DYRK1A: variants seen among roughly 807,000 people sequenced by gnomAD.
DYRK1A encodes dual specificity tyrosine phosphorylation regulated kinase 1A.
DYRK1A carries 9 observed loss-of-function variants against 79.7 expected under a neutral mutation model. The ratio of observed to expected loss-of-function variants is 0.11; its 90% CI spans 0.07 to 0.20. The LOEUF is 0.20. DYRK1A is among the 10% of genes least tolerant of loss of function. DYRK1A has a pLI of 1.00. For missense variants in DYRK1A, 622 were observed against 956.0 expected (o/e 0.65, Z 4.61); for synonymous variants, 349 against 329.7 (o/e 1.06, Z -0.63).
chr21:37,366,532 C>A (rs1046485958), upstream of DYRK1A, among the ~76,000 whole-genome samples: 23 of 151,612 alleles, frequency 1.5e-4, no homozygotes, highest in Admixed American at 9.8e-4. Context: ...CTCCCCTCCC[C>A]CGGGCGAATC....
At chr21:37,396,498 C>T (rs1213970664) in intron 1 of DYRK1A, among the ~76,000 whole-genome samples, 2 of 150,808 alleles carry the variant, frequency 1.3e-5, no homozygotes, top group East Asian at 3.9e-4. Flanking sequence ...TTTTTTGAGT[C>T]AGTGAATTAA....
In DYRK1A at chr21:37,519,745, T is replaced by TTTTTTTTTTGTTTTTG. The variant is rs1569413780; in HGVS notation, c.*7223_*7224insGTTTTTGTTTTTTTTT. The TTTTTTTTTTGTTTTTG allele has an allele frequency of 2.4e-5, 3 of 126,204 alleles. No homozygotes were observed. The highest frequency in any genetic ancestry group is 1.3e-4 in the African/African-American group (3 of 22,342). The allele number at this position is 126,204 out of a possible 1,614,324, so 7.8% of individuals were successfully genotyped here. A position where few individuals can be genotyped will look rare whatever the true frequency, so the allele number is the denominator to read the frequency against. On this transcript the variant is annotated 3_prime_UTR_variant, in exon 12 of 12. Transcript: ENST00000647188. ...AGGTTTGTTGTGGGAAGTTTTTTTT[T>TTTTTTTTTTGTTTTTG]TTTTTTTTTTTTTTGAGGCGGAGTC...
At chr21:37,510,345 G>A (rs1257614490) in intron 11 of DYRK1A, among the ~76,000 whole-genome samples, 2 of 152,164 alleles carry the variant, frequency 1.3e-5, no homozygotes, top group Non-Finnish European at 2.9e-5. Context: ...GTTTTCAGTA[G>A]TATCTCTTAA....
chr21:37,479,092 C>G (rs2052505544), intron 4 of DYRK1A, among the ~76,000 whole-genome samples: 2 of 152,142 alleles, frequency 1.3e-5, no homozygotes, highest in Admixed American at 6.5e-5. Context: ...AAGGCTTGTC[C>G]TTTGCCAGCT....
intron 1 of DYRK1A, among the ~76,000 whole-genome samples, chr21:37,416,659 A>G (rs562091354): frequency 1.9e-4 from 29 of 152,274 alleles, no homozygotes; most frequent in Non-Finnish European, 2.8e-4. Flanking sequence ...AGTTAACTGT[A>G]TAAATTTTAG....
At chr21:37,417,849 A>T (rs192254818) in intron 1 of DYRK1A, among the ~76,000 whole-genome samples, 20 of 152,282 alleles carry the variant, frequency 1.3e-4, no homozygotes, top group Non-Finnish European at 2.4e-4. Context: ...GAGCTAGAAC[A>T]TACTGTAGAA....
intron 6 of DYRK1A, chr21:37,487,943 C>CATT (rs1488032172): frequency 6.6e-6 from 1 of 152,076 alleles, no homozygotes; most frequent in Non-Finnish European, 1.5e-5. Flanking sequence ...ACATCAAGGA[C>CATT]ATTCTAAGGA....
chr21:37,480,990 T>C, intron 5 of DYRK1A, 164 bp downstream of exon 5: 1 of 575,710 alleles, frequency 1.7e-6, no homozygotes, highest in Non-Finnish European at 3.0e-6. Context: ...AAGGTAGTGA[T>C]ACTGCATCAG....
intron 1 of DYRK1A, among the ~76,000 whole-genome samples, chr21:37,389,089 G>T (rs1003468228): frequency 6.6e-6 from 1 of 151,606 alleles, no homozygotes; most frequent in Non-Finnish European, 1.5e-5. Context: ...TGTTGTCCAG[G>T]CTGGTCTTGA....
Position 37,513,027 on chromosome 21 carries a change from A to T in DYRK1A, c.*496A>T, listed in dbSNP as rs73400169. Reference sequence around the variant, plus strand: ...GAAATTTGGGTTTTTAAGTCCTCTAAACACACTTGGGCACGGAAATGCAGT... The same window carrying T: ...GAAATTTGGGTTTTTAAGTCCTCTATACACACTTGGGCACGGAAATGCAGT... On this transcript the variant is annotated 3_prime_UTR_variant, in exon 12 of 12. Transcript: ENST00000647188. The T allele has an allele frequency of 1.9e-5, 3 of 160,660 alleles. No individual in the cohort carries two copies. Among genetic ancestry groups the T allele is most frequent in the Admixed American group, 5.9e-5 (1 of 16,960 alleles). 10.0% of individuals were successfully genotyped at this position (160,660 alleles called of 1,614,324 possible).
At chr21:37,430,172 C>A in intron 2 of DYRK1A, 1 of 427,100 alleles carries the variant, frequency 2.3e-6, no homozygotes, top group South Asian at 1.0e-4. Flanking sequence ...CTTTTTACCT[C>A]ACAGCTGTTA....
At chr21:37,469,190 G>A (rs1225084494) in intron 2 of DYRK1A, among the ~76,000 whole-genome samples, 1 of 152,116 alleles carries the variant, frequency 6.6e-6, no homozygotes, top group African/African-American at 2.4e-5. Context: ...TGGAGCGTGA[G>A]AATTTTTCAT....
At position 37,412,443 on chromosome 21, in the gene DYRK1A, TAAAAC is replaced by T. The variant is rs2050261749; in HGVS notation, c.-76-7849_-76-7845del. Reference sequence around the variant, plus strand: ...CCAGGATTCATCTGTAACATCTTGTTAAAACAAAACACATATTCTTAGGTCCTTGT... The same window carrying T: ...CCAGGATTCATCTGTAACATCTTGTTAAAACACATATTCTTAGGTCCTTGT... On this transcript the variant is annotated intron_variant, in intron 1 of 11. Coordinates refer to ENST00000647188, the MANE Select transcript of DYRK1A (RefSeq NM_001347721.2). 2.0e-5 allele frequency among the ~76,000 whole-genome samples: 3 copies of T among 152,314 alleles called. No individual in the cohort carries two copies. The South Asian group carries it at 6.2e-4, about 32-fold the overall frequency.
At chr21:37,511,804 C>G in intron 11 of DYRK1A, 107 bp from the exon 12 acceptor site, 1 of 1,314,042 alleles carries the variant, frequency 7.6e-7, no homozygotes, top group South Asian at 1.5e-5. Context: ...AAAACCGTTT[C>G]CCCCTGATTA....
chr21:37,519,733 GAAGT>G lies in DYRK1A; in HGVS notation c.*7203_*7206del, dbSNP rs2053916680. 1.5e-5 allele frequency: 2 copies of G among 136,706 alleles called. No individual in the cohort carries two copies. The highest frequency in any genetic ancestry group is 6.3e-5 in the African/African-American group (2 of 31,522). The allele number at this position is 136,706 out of a possible 1,614,324, so 8.5% of individuals were successfully genotyped here. ...TTAAGAGTTTTGAGGTTTGTTGTGG[GAAGT>G]TTTTTTTTTTTTTTTTTTTTTTGAG... is the stretch of plus-strand genomic sequence containing the variant. On this transcript the variant is annotated 3_prime_UTR_variant, in exon 12 of 12. Transcript: ENST00000647188.
intron 1 of DYRK1A, among the ~76,000 whole-genome samples, chr21:37,391,391 C>T (rs911226020): frequency 2.0e-5 from 3 of 152,174 alleles, no homozygotes; most frequent in Non-Finnish European, 4.4e-5. Flanking sequence ...ATCTTCTATC[C>T]ATTGTCTAAA....
intron 1 of DYRK1A, among the ~76,000 whole-genome samples, chr21:37,376,559 G>A (rs1042706286): frequency 6.6e-6 from 1 of 152,154 alleles, no homozygotes; most frequent in Non-Finnish European, 1.5e-5. Flanking sequence ...GAAGGTTCAT[G>A]TGAGTATTCT....
At chr21:37,506,034 G>A (rs1263367400) in intron 10 of DYRK1A, 65 bp from the exon 11 acceptor site, 1 of 1,540,310 alleles carries the variant, frequency 6.5e-7, no homozygotes, top group Non-Finnish European at 8.8e-7. Flanking sequence ...TAGCTTCAGA[G>A]TATAAATTTG....
At chr21:37,388,179 G>A (rs2049799544) in intron 1 of DYRK1A, among the ~76,000 whole-genome samples, 1 of 144,304 alleles carries the variant, frequency 6.9e-6, no homozygotes, top group Admixed American at 7.1e-5. Flanking sequence ...CGACCTCCCT[G>A]GGCTCAGGTG....
Sources: allele counts gnomAD v4.1 joint callset (sites outside exome capture counted in the v4.1 genomes callset), GRCh38; gene constraint gnomAD v4.1.1; transcripts MANE v1.5; gene names NCBI Gene and HGNC (gene_info 2026-07-23, HGNC 2026-07-21).